GAS2L2: variants seen among roughly 807,000 people sequenced by gnomAD.
The protein encoded by GAS2L2 is GAS2-like protein 2.
GAS2L2 carries 21 observed loss-of-function variants against 35.2 expected under a neutral mutation model. The ratio of observed to expected loss-of-function variants is 0.60; its 90% CI spans 0.42 to 0.86. GAS2L2 has a LOEUF of 0.86. Among genes scored for constraint, GAS2L2 ranks in the 40% least tolerant of loss-of-function variants. The pLI, the probability that GAS2L2 is intolerant of heterozygous loss-of-function variation, is 0.00. For missense variants in GAS2L2, 1,169 were observed against 1,144.4 expected, an observed-to-expected ratio of 1.02 and a Z score of -0.31; for synonymous variants, 490 against 473.2, an observed-to-expected ratio of 1.04 and a Z score of -0.46.
At chr17:35,751,353 A>C (rs1369191603) in intron 1 of GAS2L2, among the ~76,000 whole-genome samples, 2 of 151,832 alleles carry the variant, frequency 1.3e-5, no homozygotes, top group Non-Finnish European at 2.9e-5. Flanking sequence ...TTCCCTTCCC[A>C]TAAACTTCTA....
intron 3 of GAS2L2, 38 bp downstream of exon 3, chr17:35,749,072 C>T (rs1555599386): frequency 2.2e-6 from 3 of 1,370,658 alleles, no homozygotes; most frequent in Non-Finnish European, 3.1e-6. Flanking sequence ...GCAAGAAACC[C>T]TATTCTGGGG....
At chr17:35,747,761 A>C in intron 4 of GAS2L2, 88 bp downstream of exon 4, 4 of 1,063,802 alleles carry the variant, frequency 3.8e-6, no homozygotes, top group Non-Finnish European at 5.7e-6. Flanking sequence ...GAGATCAGAC[A>C]TACCTCCCAC....
At chr17:35,750,003 TG>T in intron 2 of GAS2L2, 73 bp downstream of exon 2, 1 of 1,443,900 alleles carries the variant, frequency 6.9e-7, no homozygotes, top group Non-Finnish European at 9.3e-7. Context: ...TAGTGGGGGC[TG>T]GAGTGGGACT....
In GAS2L2 at chr17:35,750,120, G is replaced by C; in HGVS notation, c.584C>G (p.Pro195Arg). The C allele has an allele frequency of 6.2e-7, 1 of 1,601,802 alleles. No individual in the cohort carries two copies. The highest frequency in any genetic ancestry group is 8.5e-7 in the Non-Finnish European group (1 of 1,176,518). ...GAAGTGGCAGGGCTGGCGCCTGGGG[G>C]GCGCTGGCGGCGAGGGGTCGGGCGG... Reference protein sequence around the residue: ...LPPPDPSPPAPPRRQPCHFRN... With the variant: ...LPPPDPSPPARPRRQPCHFRN... Residue 195 changes from proline to arginine, a missense_variant, in exon 2 of 6, where the codon CCC becomes CGC. Pro to Arg is a moderately radical substitution (Grantham distance 103). Transcript: ENST00000604641.
At position 35,747,832 on chromosome 17, in the gene GAS2L2, G is replaced by C. The variant is rs781925735; in HGVS notation, c.832+17C>G. On this transcript the variant is annotated intron_variant, in intron 4 of 5. Transcript: ENST00000604641. ...CTTCAACCAACCCCACAGGGAGAGG[G>C]CCCTCAGGGGACTCACAGAGGGATG... The C allele has an allele frequency of 6.3e-7, 1 of 1,597,598 alleles. No individual in the cohort carries two copies. The highest frequency in any genetic ancestry group is 8.6e-7 in the Non-Finnish European group (1 of 1,165,090).
chr17:35,746,343 TG>T lies in GAS2L2; in HGVS notation c.1153del (p.Gln385SerfsTer116). 7.3e-7 allele frequency: 1 copy of T among 1,378,204 alleles called. No homozygotes were observed. The highest frequency in any genetic ancestry group is 2.5e-5 in the South Asian group (1 of 40,450). The allele number at this position is 1,378,204 out of a possible 1,614,324, so 85.4% of individuals were successfully genotyped here. A position where few individuals can be genotyped will look rare whatever the true frequency, so the allele number is the denominator to read the frequency against. On this transcript the variant is annotated frameshift_variant, in exon 6 of 6. Transcript: ENST00000604641. LOFTEE classifies it low-confidence loss of function (END_TRUNC). ...TCGGCCTTTTTGGGTAGATGAGGAC[TG>T]GGGGCTGGGTGGGCTGTCCCCAGCT... Reference protein sequence around the residue: ...PTAGDSPPSPQSSSTQKGRDP... With the variant: ...PTAGDSPPSPXSSSTQKGRDP...
At position 35,746,198 on chromosome 17, in the gene GAS2L2, C is replaced by T. The variant is rs868993889; in HGVS notation, c.1299G>A (p.Gly433=). Residue 433 remains glycine (G), a synonymous_variant, in exon 6 of 6, where the codon GGG becomes GGA. Coordinates refer to ENST00000604641, the MANE Select transcript of GAS2L2 (RefSeq NM_139285.4). ...CTCGGAGTCTTTGTGGGGTGGGGTT[C>T]CCGGCGTCGGTTCCCCAGCTGTCTG... ...EETDSWGTDA[G]NPTPQRLRAI... 12 of 1,480,784 alleles carry T rather than the reference C, an allele frequency of 8.1e-6. No individual in the cohort carries two copies. The highest frequency in any genetic ancestry group is 9.0e-6 in the Non-Finnish European group (10 of 1,114,286). 91.7% of individuals were successfully genotyped at this position (1,480,784 alleles called of 1,614,324 possible). A position where few individuals can be genotyped will look rare whatever the true frequency, so the allele number is the denominator to read the frequency against.
chr17:35,745,020 TC>T lies in GAS2L2; in HGVS notation c.2476del (p.Glu826ArgfsTer10), dbSNP rs1555598608. On this transcript the variant is annotated frameshift_variant, in exon 6 of 6. Transcript: ENST00000604641. LOFTEE classifies it low-confidence loss of function (END_TRUNC). The stretch of plus-strand genomic sequence containing the variant: ...TGAAGCTCCATCCACCCGGGATGCC[TC>T]CCCTCCCTTGCTGCCCAGCACAGCT... ...LRAVLGSKGGEASRVDGASVG... is the reference protein window; with the variant it reads ...LRAVLGSKGGXASRVDGASVG... The T allele has an allele frequency of 6.2e-7, 1 of 1,613,946 alleles. No individual in the cohort carries two copies. Among genetic ancestry groups the T allele is most frequent in the Admixed American group, 1.7e-5 (1 of 60,020 alleles).
At chr17:35,746,869 G>A in intron 5 of GAS2L2, 147 bp downstream of exon 5, 1 of 734,648 alleles carries the variant, frequency 1.4e-6, no homozygotes, top group Non-Finnish European at 2.2e-6. Context: ...TATCCCAAAG[G>A]TACTGGGTAT....
rs1555598818 is a variant in GAS2L2 at position 35,745,756 on chromosome 17, G to T, written c.1741C>A (p.Gln581Lys). 2 of 1,613,792 alleles carry T rather than the reference G, an allele frequency of 1.2e-6. No homozygotes were observed. Among genetic ancestry groups the T allele is most frequent in the Admixed American group, 3.3e-5 (2 of 60,028 alleles). The change falls in exon 6 of 6, where the codon CAG (glutamine) becomes AAG (lysine). Residue 581 changes from glutamine (Q) to lysine (K), a missense_variant. By Grantham distance (53) the Gln-to-Lys change is moderately conservative (BLOSUM62 1). Transcript: ENST00000604641. ...EARESWDLGL[Q>K]EQEGRYTPLP... Reference sequence around the variant, plus strand: ...GGTGTGTACCGCCCCTCCTGCTCCTGTAGGCCCAGGTCCCAGGACTCTCTG... The same window carrying T: ...GGTGTGTACCGCCCCTCCTGCTCCTTTAGGCCCAGGTCCCAGGACTCTCTG...
Position 35,745,835 on chromosome 17 carries a change from A to C in GAS2L2, c.1662T>G (p.Ser554=), listed in dbSNP as rs782617835. 1.9e-6 allele frequency: 3 copies of C among 1,613,898 alleles called. No individual in the cohort carries two copies. The South Asian group carries it at 3.3e-5, about 18-fold the overall frequency. The change falls in exon 6 of 6, where the codon TCT becomes TCG. Residue 554 remains serine (S), a synonymous_variant. Transcript: ENST00000604641. ...DLAGSTHGDC[S]VEVRQEDQQL... is the part of the protein sequence containing the mutation. Reference sequence around the variant, plus strand: ...GCTGGTCCTCCTGCCTCACTTCCACAGAGCAGTCCCCATGCGTGGACCCAG... The same window carrying C: ...GCTGGTCCTCCTGCCTCACTTCCACCGAGCAGTCCCCATGCGTGGACCCAG...
At position 35,749,503 on chromosome 17, in the gene GAS2L2, A is replaced by G. The variant is rs587702716; in HGVS notation, c.628-286T>C. Among the ~76,000 whole-genome samples, 3 of 152,286 alleles carry G rather than the reference A, an allele frequency of 2.0e-5. No individual in the cohort carries two copies. In the South Asian group the frequency reaches 6.2e-4, roughly 32 times the overall value. On this transcript the variant is annotated intron_variant, in intron 2 of 5. Transcript: ENST00000604641. ...CAGGTCAGTGCCCTGTATCCACTGCATCATAGGCTTTTCATTAAGAAAACT... is the reference window on the plus strand; with the variant it reads ...CAGGTCAGTGCCCTGTATCCACTGCGTCATAGGCTTTTCATTAAGAAAACT...
chr17:35,748,197 C>T (rs2085681753), intron 3 of GAS2L2, among the ~76,000 whole-genome samples: 1 of 152,198 alleles, frequency 6.6e-6, no homozygotes, highest in South Asian at 2.1e-4. Flanking sequence ...CAAAGCCTGC[C>T]CCCAGAGCGC....
chr17:35,749,972 G>C (rs998384866), intron 2 of GAS2L2, 105 bp downstream of exon 2: 4 of 1,049,022 alleles, frequency 3.8e-6, no homozygotes, highest in Non-Finnish European at 4.2e-6. Flanking sequence ...GTGGACAATG[G>C]AGCTCAAGAA....
At position 35,752,570 on chromosome 17, in the gene GAS2L2, C is replaced by T. The variant is rs369941287; in HGVS notation, c.281G>A (p.Arg94Gln). ...PAQAQKIPMP[R>Q]VGVSCNGAAQ... is the part of the protein sequence containing the mutation. ...GGCCCCATTGCAGGAGACCCCGACC[C>T]GGGGCATGGGAATCTTCTGGGCTTG... Residue 94 changes from arginine to glutamine, a missense_variant, in exon 1 of 6, where the codon CGG (arginine) becomes CAG (glutamine). Transcript: ENST00000604641. 1.4e-5 allele frequency: 22 copies of T among 1,613,792 alleles called. No individual in the cohort carries two copies. The highest frequency in any genetic ancestry group is 2.7e-5 in the African/African-American group (2 of 74,926).
chr17:35,748,324 C>T (rs956389729), intron 3 of GAS2L2, among the ~76,000 whole-genome samples: 6 of 152,246 alleles, frequency 3.9e-5, no homozygotes, highest in Admixed American at 2.6e-4. Flanking sequence ...CCTGGTCCCA[C>T]TCCACCCTCA....
At chr17:35,749,289 C>A in intron 2 of GAS2L2, 72 bp from the exon 3 acceptor site, 1 of 895,852 alleles carries the variant, frequency 1.1e-6, no homozygotes, top group Non-Finnish European at 1.8e-6. Context: ...TACCTGCCCC[C>A]CAGGTCACCC....
rs148236837 is a variant in GAS2L2 at position 35,752,697 on chromosome 17, C to A, written c.154G>T (p.Ala52Ser). The A allele has an allele frequency of 1.9e-6, 3 of 1,614,028 alleles. No individual in the cohort carries two copies. The highest frequency in any genetic ancestry group is 2.2e-5 in the East Asian group (1 of 44,876). ...LRDLYGLDIDAANFLQVLETG... is the reference protein window; with the variant it reads ...LRDLYGLDIDSANFLQVLETG... ...TCCAGCACCTGCAGGAAGTTGGCTG[C>A]GTCGATGTCCAGCCCATAGAGGTCG... is the stretch of plus-strand genomic sequence containing the variant. Residue 52 changes from alanine (A) to serine (S), a missense_variant, in exon 1 of 6, where the codon GCA becomes TCA. Around this residue, in one of 3 missense-constraint regions of GAS2L2, gnomAD observed 127 missense variants for 146.1 expected, o/e 0.87. Transcript: ENST00000604641.
chr17:35,745,261 G>A lies in GAS2L2; in HGVS notation c.2236C>T (p.Pro746Ser). The A allele has an allele frequency of 6.2e-7, 1 of 1,609,248 alleles. No individual in the cohort carries two copies. Among genetic ancestry groups the A allele is most frequent in the Non-Finnish European group, 8.5e-7 (1 of 1,176,918 alleles). Residue 746 changes from proline to serine, a missense_variant, in exon 6 of 6, where the codon CCC (proline) becomes TCC (serine). Physicochemically the swap from Pro to Ser is moderately conservative, Grantham distance 74. Around this residue, in one of 3 missense-constraint regions of GAS2L2, gnomAD observed 1,035 missense variants for 976.5 expected, o/e 1.06. Transcript: ENST00000604641. ...PEAPTPSPLD[P>S]NSDKAKACLS... is the part of the protein sequence containing the mutation. ...CATGCCTTGGCTTTGTCAGAGTTGG[G>A]GTCCAAGGGCGAAGGTGTGGGGGCC... is the stretch of plus-strand genomic sequence containing the variant.
Sources: allele counts gnomAD v4.1 joint callset (sites outside exome capture counted in the v4.1 genomes callset), GRCh38; gene constraint gnomAD v4.1.1; regional missense constraint gnomAD v4.1.1; transcripts MANE v1.5; gene names NCBI Gene and HGNC (gene_info 2026-07-23, HGNC 2026-07-21).